The following VPS13B variants were observed in gnomAD, a reference collection of about 807,000 sequenced individuals.
VPS13B encodes the protein vacuolar protein sorting 13 homolog B.
A neutral mutation model predicts 426.4 loss-of-function variants in VPS13B; 285 were observed. The ratio of observed to expected loss-of-function variants is 0.67; its 90% confidence interval spans 0.61 to 0.74. The LOEUF is 0.74. Ranked by LOEUF, VPS13B falls within the 30% of genes least tolerant of loss-of-function variation. The pLI, the probability that VPS13B is intolerant of heterozygous loss-of-function variation, is 0.00. For missense variants in VPS13B, 4,537 were observed against 4,782.6 expected (o/e 0.95, Z 1.51); for synonymous variants, 1,676 against 1,676.4 (o/e 1.00, Z 0.01).
intron 35 of VPS13B, among the ~76,000 whole-genome samples, chr8:99,670,612 T>C (rs942986026): frequency 1.3e-5 from 2 of 152,104 alleles, no homozygotes; most frequent in Non-Finnish European, 2.9e-5. Context: ...ACTGAAACTT[T>C]GTACCCATTC....
chr8:99,536,098 C>T (rs567288450), intron 30 of VPS13B, among the ~76,000 whole-genome samples: 13 of 151,904 alleles, frequency 8.6e-5, no homozygotes, highest in Non-Finnish European at 1.8e-4. Flanking sequence ...TACAGGCGCA[C>T]GTCACCATGC....
chr8:99,818,085 T>TG (rs1423466881), intron 45 of VPS13B, among the ~76,000 whole-genome samples: 1 of 152,146 alleles, frequency 6.6e-6, no homozygotes, highest in Non-Finnish European at 1.5e-5. Context: ...GGTGGGACTG[T>TG]GGGGGTGGTA....
chr8:99,293,764 A>G (rs1252610505), intron 19 of VPS13B, among the ~76,000 whole-genome samples: 2 of 152,216 alleles, frequency 1.3e-5, no homozygotes, highest in Non-Finnish European at 2.9e-5. Flanking sequence ...GAAGACATTT[A>G]TGCAGCCAAA....
chr8:99,298,503 T>A (rs114760425), intron 19 of VPS13B, among the ~76,000 whole-genome samples: 2,726 of 151,982 alleles, frequency 0.018, 67 homozygotes, highest in African/African-American at 0.059. Flanking sequence ...ATAAATAAAT[T>A]AATTAATTAA....
At chr8:99,199,297 G>A (rs1367917014) in intron 17 of VPS13B, among the ~76,000 whole-genome samples, 2 of 151,886 alleles carry the variant, frequency 1.3e-5, no homozygotes, top group Non-Finnish European at 2.9e-5. Flanking sequence ...TTTTCCTCCC[G>A]AGTAGCTGGG....
At chr8:99,871,986 G>C (rs1017805785) in intron 61 of VPS13B, among the ~76,000 whole-genome samples, 1 of 152,248 alleles carries the variant, frequency 6.6e-6, no homozygotes, top group Non-Finnish European at 1.5e-5. Flanking sequence ...GAACAAGGCT[G>C]ATCTGGCTTG....
chr8:99,125,794 A>T (rs1563555407), intron 8 of VPS13B, among the ~76,000 whole-genome samples: 2 of 152,198 alleles, frequency 1.3e-5, no homozygotes, highest in Non-Finnish European at 2.9e-5. Context: ...TGTATATTTT[A>T]TGCAAAAGGA....
chr8:99,372,809 A>C (rs1320505904), intron 19 of VPS13B, among the ~76,000 whole-genome samples: 10 of 152,226 alleles, frequency 6.6e-5, no homozygotes, highest in African/African-American at 2.2e-4. Context: ...CAATCCCATT[A>C]CTGGGTATAT....
chr8:99,114,492 CT>C (rs1438445526), intron 6 of VPS13B, among the ~76,000 whole-genome samples: 7 of 152,094 alleles, frequency 4.6e-5, no homozygotes, highest in African/African-American at 1.7e-4. Flanking sequence ...ATTGGTTTTG[CT>C]GACTGCTTAT....
At position 99,858,954 on chromosome 8, in the gene VPS13B, C is replaced by T. The variant is rs145287812; in HGVS notation, c.10868-350C>T. Among the ~76,000 whole-genome samples the T allele has an allele frequency of 3.2e-4, 49 of 152,298 alleles. No homozygotes were observed. The East Asian group carries it at 9.5e-3, about 29-fold the overall frequency. ...GGGAGGCTTTAGAGAGAACCTCCCA[C>T]CTGCAAACACCTGCAACCCAAGAAG... On this transcript the variant is annotated intron_variant, in intron 56 of 61. Transcript: ENST00000357162.
At chr8:99,821,631 A>G in intron 50 of VPS13B, 149 bp downstream of exon 50, 1 of 969,168 alleles carries the variant, frequency 1.0e-6, no homozygotes, top group Non-Finnish European at 1.6e-6. Context: ...TTAACTTCTT[A>G]GACCTCTGTT....
At chr8:99,278,947 C>T (rs183112563) in intron 19 of VPS13B, among the ~76,000 whole-genome samples, 1 of 152,312 alleles carries the variant, frequency 6.6e-6, no homozygotes, top group East Asian at 1.9e-4. Flanking sequence ...GGTTATTTTT[C>T]AGGGGAACCA....
chr8:99,577,852 T>C (rs759003152), intron 33 of VPS13B: 1 of 592,978 alleles, frequency 1.7e-6, no homozygotes, highest in Non-Finnish European at 2.9e-6. Flanking sequence ...GCAAAATTGC[T>C]GTGGACTGAC....
intron 3 of VPS13B, among the ~76,000 whole-genome samples, chr8:99,057,787 C>G (rs753628184): frequency 1.2e-4 from 18 of 150,222 alleles, no homozygotes; most frequent in Admixed American, 5.9e-4. Context: ...AACCAGGAAC[C>G]CTGAGGTCGT....
chr8:99,510,809 C>T (rs1045156162), intron 28 of VPS13B, among the ~76,000 whole-genome samples: 6 of 152,048 alleles, frequency 3.9e-5, no homozygotes, highest in African/African-American at 1.2e-4. Context: ...ACCCCAGCCT[C>T]AAATTCTTAA....
intron 19 of VPS13B, among the ~76,000 whole-genome samples, chr8:99,288,894 T>C (rs1467082096): frequency 6.6e-6 from 1 of 152,048 alleles, no homozygotes; most frequent in Non-Finnish European, 1.5e-5. Flanking sequence ...ATATTGATTG[T>C]CATAGTTAAA....
At chr8:99,106,414 G>A (rs1297864360) in intron 5 of VPS13B, among the ~76,000 whole-genome samples, 26 of 113,126 alleles carry the variant, frequency 2.3e-4, no homozygotes, top group African/African-American at 7.8e-4. Flanking sequence ...TAGCCTTGGC[G>A]ATAGAGTGAG....
intron 25 of VPS13B, among the ~76,000 whole-genome samples, chr8:99,489,099 T>A (rs1416028085): frequency 6.6e-6 from 1 of 152,206 alleles, no homozygotes; most frequent in Admixed American, 6.5e-5. Flanking sequence ...GCTTTCTACA[T>A]ATGGCTAGCC....
intron 33 of VPS13B, among the ~76,000 whole-genome samples, chr8:99,638,669 G>A (rs1386619223): frequency 2.6e-5 from 4 of 152,208 alleles, no homozygotes; most frequent in African/African-American, 9.6e-5. Context: ...CCAATGTGAG[G>A]ACACAGACGG....
Sources: gnomAD v4.1 joint callset for allele counts (sites outside exome capture counted in the v4.1 genomes callset) on GRCh38, gnomAD v4.1.1 for gene constraint, MANE v1.5 for transcripts, NCBI Gene and HGNC (gene_info 2026-07-23, HGNC 2026-07-21) for gene names.